The following KLHL36 variants were observed in gnomAD, a reference collection of about 807,000 sequenced individuals.
KLHL36 encodes kelch-like protein 36.
A neutral mutation model predicts 53.3 loss-of-function variants in KLHL36; 35 were observed. That is an observed-to-expected ratio of 0.66 (90% CI 0.50 to 0.87). The LOEUF (loss-of-function observed/expected upper bound fraction) is 0.87, where lower values mean the gene tolerates loss of function less well. KLHL36 is among the 40% of genes least tolerant of loss of function. KLHL36 has a pLI of 0.00. For missense variants in KLHL36, 864 were observed against 897.6 expected (o/e 0.96, Z 0.48); for synonymous variants, 472 against 398.9 (o/e 1.18, Z -2.18).
chr16:84,650,156 A>G (rs1459395249), intron 1 of KLHL36, among the ~76,000 whole-genome samples: 1 of 152,122 alleles, frequency 6.6e-6, no homozygotes, highest in Non-Finnish European at 1.5e-5. Flanking sequence ...TCCTCCAGTC[A>G]CAGTGCTGGC....
intron 3 of KLHL36, chr16:84,658,506 T>G (rs970386754): frequency 1.2e-4 from 18 of 152,418 alleles, no homozygotes; most frequent in African/African-American, 3.8e-4. Context: ...ATGTATTGTG[T>G]CCTGATTCTG....
chr16:84,662,882 A>G lies in KLHL36; in HGVS notation c.*749A>G, dbSNP rs1278297872. On this transcript the variant is annotated 3_prime_UTR_variant, in exon 5 of 5. Transcript: ENST00000564996. The stretch of plus-strand genomic sequence containing the variant: ...AAACCTTCTTGAATTCTAAAACGTT[A>G]CAGGTAACCAAAAACGAAAAAAGGT... The G allele has an allele frequency of 6.6e-6, 1 of 152,172 alleles. No individual in the cohort carries two copies. Among genetic ancestry groups the G allele is most frequent in the Non-Finnish European group, 1.5e-5 (1 of 68,034 alleles). 9.4% of individuals were successfully genotyped at this position (152,172 alleles called of 1,614,324 possible). A position where few individuals can be genotyped will look rare whatever the true frequency, so the allele number is the denominator to read the frequency against.
chr16:84,656,113 C>T (rs901145765), intron 2 of KLHL36, among the ~76,000 whole-genome samples: 2 of 151,950 alleles, frequency 1.3e-5, no homozygotes, highest in African/African-American at 4.8e-5. Context: ...AGGTTGGTCT[C>T]GAACTTCCTG....
intron 2 of KLHL36, among the ~76,000 whole-genome samples, chr16:84,651,856 G>A (rs1906903779): frequency 6.6e-6 from 1 of 152,142 alleles, no homozygotes; most frequent in Non-Finnish European, 1.5e-5. Flanking sequence ...AATCTTAAAA[G>A]CCTTCTTGTG....
Position 84,656,879 on chromosome 16 carries a change from C to T in KLHL36, c.72C>T (p.Arg24=), listed in dbSNP as rs772813985. The change falls in exon 3 of 5, where the codon CGC becomes CGT. Residue 24 remains arginine (R), a synonymous_variant. Transcript: ENST00000564996. The stretch of plus-strand genomic sequence containing the variant: ...GTGTCTTCTCTGTCCAGGTATACCG[C>T]TGGGCCGACCACTCAAGCACGGTGC... ...YKISESSKVY[R]WADHSSTVLQ... 1.9e-6 allele frequency: 3 copies of T among 1,607,194 alleles called. No individual in the cohort carries two copies. Among genetic ancestry groups the T allele is most frequent in the Non-Finnish European group, 2.6e-6 (3 of 1,176,372 alleles).
intron 1 of KLHL36, among the ~76,000 whole-genome samples, chr16:84,650,544 G>A (rs1301297964): frequency 1.3e-5 from 2 of 152,062 alleles, no homozygotes; most frequent in Admixed American, 6.6e-5. Flanking sequence ...TCTGGGCTCC[G>A]AAATGATAAC....
Position 84,657,191 on chromosome 16 carries a change from C to A in KLHL36, c.384C>A (p.Ile128=), listed in dbSNP as rs1443156116. 6.2e-7 allele frequency: 1 copy of A among 1,614,044 alleles called. No homozygotes were observed. The highest frequency in any genetic ancestry group is 1.3e-5 in the African/African-American group (1 of 74,928). The change falls in exon 3 of 5, where the codon ATC becomes ATA. Residue 128 remains isoleucine, a synonymous_variant. Coordinates refer to ENST00000564996, the MANE Select transcript of KLHL36 (RefSeq NM_024731.4). ...YVLETAHLLQ[I]WTVVDFCCEY... is the part of the protein sequence containing the mutation. ...TGGAGACGGCTCACCTGCTGCAGAT[C>A]TGGACGGTGGTAGACTTCTGCTGTG...
In KLHL36 at chr16:84,665,668, C is replaced by G. The variant is rs1014415270; in HGVS notation, c.*3535C>G. On this transcript the variant is annotated 3_prime_UTR_variant, in exon 5 of 5. Coordinates refer to ENST00000564996, the MANE Select transcript of KLHL36 (RefSeq NM_024731.4). ...CTTCATGGAGACCCAGAAACTCACC[C>G]TAAGGGGTGTTCACCTTTGAGGTGG... The G allele has an allele frequency of 6.6e-6, 1 of 152,320 alleles. No individual in the cohort carries two copies. Among genetic ancestry groups the G allele is most frequent in the East Asian group, 1.9e-4 (1 of 5,190 alleles). The allele number at this position is 152,320 out of a possible 1,614,324, so 9.4% of individuals were successfully genotyped here. A position where few individuals can be genotyped will look rare whatever the true frequency, so the allele number is the denominator to read the frequency against.
At chr16:84,649,732 G>A (rs1050675310) in intron 1 of KLHL36, among the ~76,000 whole-genome samples, 1 of 152,238 alleles carries the variant, frequency 6.6e-6, no homozygotes, top group African/African-American at 2.4e-5. Flanking sequence ...ACACTGGAGT[G>A]CCCTCCCTGT....
intron 2 of KLHL36, among the ~76,000 whole-genome samples, chr16:84,651,213 A>G (rs1408684456): frequency 6.6e-6 from 1 of 152,128 alleles, no homozygotes; most frequent in East Asian, 1.9e-4. Flanking sequence ...CGTTAACCCA[A>G]GGAGGTGGAT....
chr16:84,662,237 G>C lies in KLHL36; in HGVS notation c.*104G>C. The C allele has an allele frequency of 9.5e-7, 1 of 1,048,812 alleles. No individual in the cohort carries two copies. The highest frequency in any genetic ancestry group is 1.3e-6 in the Non-Finnish European group (1 of 749,856). 65.0% of individuals were successfully genotyped at this position (1,048,812 alleles called of 1,614,324 possible). On this transcript the variant is annotated 3_prime_UTR_variant, in exon 5 of 5. Transcript: ENST00000564996. ...CGGAAACATTATGTACAACTTAGCA[G>C]CTTTTTTTACTTTTATGATTCTTGG...
chr16:84,652,360 T>A (rs1906942166), intron 2 of KLHL36, among the ~76,000 whole-genome samples: 1 of 152,078 alleles, frequency 6.6e-6, no homozygotes, highest in African/African-American at 2.4e-5. Context: ...AGCCTCTACC[T>A]CCTGGGCTCA....
chr16:84,662,834 A>G lies in KLHL36; in HGVS notation c.*701A>G, dbSNP rs149524532. ...CGTATCAGGTGAACGCTGTTTCTGA[A>G]TAATTCCGTCTTTCCTCATTGGAAA... On this transcript the variant is annotated 3_prime_UTR_variant, in exon 5 of 5. Coordinates refer to ENST00000564996, the MANE Select transcript of KLHL36 (RefSeq NM_024731.4). 2.3e-4 allele frequency: 34 copies of G among 150,796 alleles called. No individual in the cohort carries two copies. The East Asian group carries it at 6.4e-3, about 29-fold the overall frequency. The allele number at this position is 150,796 out of a possible 1,614,324, so 9.3% of individuals were successfully genotyped here. A position where few individuals can be genotyped will look rare whatever the true frequency, so the allele number is the denominator to read the frequency against.
In KLHL36 at chr16:84,655,114, A is replaced by T. The variant is rs112598610; in HGVS notation, c.64-1757A>T. On this transcript the variant is annotated intron_variant, in intron 2 of 4. Transcript: ENST00000564996. ...CTGAAAAGCCAGCCTGGAATGGAAGAGCGGGAGAGCCCGTCCTCTGAACTC... is the reference window on the plus strand; with the variant it reads ...CTGAAAAGCCAGCCTGGAATGGAAGTGCGGGAGAGCCCGTCCTCTGAACTC... Among the ~76,000 whole-genome samples, 505 of 152,340 alleles carry T rather than the reference A, an allele frequency of 3.3e-3. 5 individuals are homozygous for T. The highest frequency in any genetic ancestry group is 0.011 in the African/African-American group (463 of 41,586).
At position 84,657,893 on chromosome 16, in the gene KLHL36, G is replaced by A. The variant is rs746278354; in HGVS notation, c.1086G>A (p.Ala362=). The A allele has an allele frequency of 2.4e-5, 38 of 1,558,946 alleles. No homozygotes were observed. The highest frequency in any genetic ancestry group is 1.7e-4 in the Middle Eastern group (1 of 5,804). Reference sequence around the variant, plus strand: ...TCTCACGGGACAACGGAGGGGATGCGGCCTCCAATCTTCTTTATAGGTATG... The same window carrying A: ...TCTCACGGGACAACGGAGGGGATGCAGCCTCCAATCTTCTTTATAGGTATG... ...GSFSRDNGGD[A]ASNLLYRYDP... The change falls in exon 3 of 5, where the codon GCG becomes GCA. Residue 362 remains alanine (A), a synonymous_variant. Transcript: ENST00000564996.
rs1159625921 is a variant in KLHL36, at chr16:84,664,515, G to A, written c.*2382G>A. The A allele has an allele frequency of 6.6e-6, 1 of 152,130 alleles. No individual in the cohort carries two copies. The highest frequency in any genetic ancestry group is 2.4e-5 in the African/African-American group (1 of 41,420). The allele number at this position is 152,130 out of a possible 1,614,324, so 9.4% of individuals were successfully genotyped here. A position where few individuals can be genotyped will look rare whatever the true frequency, so the allele number is the denominator to read the frequency against. ...TCATGAGTTACATACGACGTCCTGC[G>A]CTTCATATTTTGTGGTGTCTCTCCT... On this transcript the variant is annotated 3_prime_UTR_variant, in exon 5 of 5. Coordinates refer to ENST00000564996, the MANE Select transcript of KLHL36 (RefSeq NM_024731.4).
At position 84,659,814 on chromosome 16, in the gene KLHL36, A is replaced by T. The variant is rs765215245; in HGVS notation, c.1192A>T (p.Met398Leu). The T allele has an allele frequency of 1.2e-6, 2 of 1,614,040 alleles. No homozygotes were observed. Among genetic ancestry groups the T allele is most frequent in the African/African-American group, 2.7e-5 (2 of 74,916 alleles). The change falls in exon 4 of 5, where the codon ATG (methionine) becomes TTG (leucine). Residue 398 changes from methionine to leucine, a missense_variant. By Grantham distance (15) the Met-to-Leu change is conservative (BLOSUM62 2). Transcript: ENST00000564996. ...TTTCTACCTTGCCTCCATCGAAGACATGCTGGTGGCCATCGGCGGCCGGAA... is the reference window on the plus strand; with the variant it reads ...TTTCTACCTTGCCTCCATCGAAGACTTGCTGGTGGCCATCGGCGGCCGGAA... ...VDFYLASIED[M>L]LVAIGGRNEN...
At chr16:84,658,038 C>G (rs1907326702) in intron 3 of KLHL36, 94 bp downstream of exon 3, 1 of 904,576 alleles carries the variant, frequency 1.1e-6, no homozygotes, top group East Asian at 2.8e-5. Context: ...GGGGCCTTGA[C>G]AACTATCCTG....
At chr16:84,660,497 A>T (rs1597223246) in intron 4 of KLHL36, among the ~76,000 whole-genome samples, 1 of 152,218 alleles carries the variant, frequency 6.6e-6, no homozygotes, top group East Asian at 1.9e-4. Context: ...GGATTAGCAG[A>T]AGGTGCACAC....
Sources: gnomAD v4.1 joint callset for allele counts (sites outside exome capture counted in the v4.1 genomes callset) on GRCh38, gnomAD v4.1.1 for gene constraint, MANE v1.5 for transcripts, NCBI Gene and HGNC (gene_info 2026-07-23, HGNC 2026-07-21) for gene names.